Variants in AFF3 observed in about 807,000 individuals in gnomAD.
AFF3 encodes ALF transcription elongation factor 3, also known as AF4/FMR2 family member 3.
A neutral mutation model predicts 129.7 loss-of-function variants in AFF3; 32 were observed. The ratio of observed to expected loss-of-function variants is 0.25; its 90% confidence interval spans 0.19 to 0.33. AFF3 has a LOEUF of 0.33. Among genes scored for constraint, AFF3 ranks in the 10% least tolerant of loss-of-function variants. The pLI is 1.00. For missense variants in AFF3, 1,373 were observed against 1,592.0 expected (o/e 0.86, Z 2.34); for synonymous variants, 644 against 635.4 (o/e 1.01, Z -0.20).
At chr2:99,957,182 CGT>C (rs144873522) in intron 7 of AFF3, among the ~76,000 whole-genome samples, 148 of 150,634 alleles carry the variant, frequency 9.8e-4, no homozygotes, top group African/African-American at 2.9e-3. Context: ...TGTGTGTGTG[CGT>C]GTGTGTGTGT....
chr2:99,696,299 G>A (rs1409411719), intron 11 of AFF3, among the ~76,000 whole-genome samples: 3 of 152,130 alleles, frequency 2.0e-5, no homozygotes, highest in Non-Finnish European at 2.9e-5. Flanking sequence ...TTCATGGCAC[G>A]TTAGAGCATC....
intron 10 of AFF3, among the ~76,000 whole-genome samples, chr2:99,733,261 TC>T (rs1376921894): frequency 6.6e-6 from 1 of 151,454 alleles, no homozygotes; most frequent in African/African-American, 2.4e-5. Context: ...CGCCTTGTAG[TC>T]CCAGCTACTA....
intron 13 of AFF3, among the ~76,000 whole-genome samples, chr2:99,610,368 CAG>C (rs1205130106): frequency 1.3e-5 from 2 of 152,162 alleles, no homozygotes; most frequent in Non-Finnish European, 2.9e-5. Flanking sequence ...GTTATAGAAA[CAG>C]AATCACATAG....
At chr2:99,949,046 T>C (rs1675903800) in intron 7 of AFF3, among the ~76,000 whole-genome samples, 1 of 152,112 alleles carries the variant, frequency 6.6e-6, no homozygotes, top group Non-Finnish European at 1.5e-5. Flanking sequence ...AAGGGGTAAA[T>C]CCATGGATTT....
intron 4 of AFF3, among the ~76,000 whole-genome samples, chr2:100,071,353 GT>G (rs1183308829): frequency 6.6e-6 from 1 of 152,150 alleles, no homozygotes; most frequent in Admixed American, 6.5e-5. Context: ...GACAGGAGGG[GT>G]TCAAGTCTCC....
Position 99,797,838 on chromosome 2 carries a change from ACAGACATTTT to A in AFF3, c.921+39629_921+39638del, listed in dbSNP as rs1337889393. Among the ~76,000 whole-genome samples the A allele has an allele frequency of 2.0e-5, 3 of 152,272 alleles. No individual in the cohort carries two copies. The East Asian group carries it at 5.8e-4, about 29-fold the overall frequency. On this transcript the variant is annotated intron_variant, in intron 8 of 24. Coordinates refer to ENST00000672756, the MANE Select transcript of AFF3 (RefSeq NM_001386135.1). ...TATTTGTCAAAAACTAAGGTAAAAT[ACAGACATTTT>A]CAGATATGCAACAGCTGGAAAAGTT...
At chr2:99,826,430 A>G (rs1400331167) in intron 8 of AFF3, among the ~76,000 whole-genome samples, 1 of 152,250 alleles carries the variant, frequency 6.6e-6, no homozygotes, top group Non-Finnish European at 1.5e-5. Context: ...AAGTATTGTA[A>G]TAAGAATAAA....
chr2:99,993,497 C>T lies in AFF3; in HGVS notation c.873+13135G>A, dbSNP rs556121561. Among the ~76,000 whole-genome samples the T allele has an allele frequency of 4.0e-5, 6 of 151,840 alleles. No homozygotes were observed. The South Asian group carries it at 1.2e-3, about 32-fold the overall frequency. ...AAAAATAAAATTATATAACCACATGCTGGAACTAATTTTAAAAATTAGAAA... is the reference window on the plus strand; with the variant it reads ...AAAAATAAAATTATATAACCACATGTTGGAACTAATTTTAAAAATTAGAAA... On this transcript the variant is annotated intron_variant, in intron 7 of 24. Coordinates refer to ENST00000672756, the MANE Select transcript of AFF3 (RefSeq NM_001386135.1).
chr2:100,120,526 G>GATCC (rs1559135370), intron 2 of AFF3, among the ~76,000 whole-genome samples: 1 of 141,660 alleles, frequency 7.1e-6, no homozygotes, highest in Non-Finnish European at 1.5e-5. Flanking sequence ...AAAAGGCTGA[G>GATCC]ATCCACATTT....
At chr2:99,565,337 C>A (rs1675858185) in intron 20 of AFF3, 150 bp downstream of exon 20, 9 of 1,127,990 alleles carry the variant, frequency 8.0e-6, no homozygotes, top group Non-Finnish European at 1.1e-5. Context: ...TGCCAAGACG[C>A]CTTGCACGAC....
intron 4 of AFF3, among the ~76,000 whole-genome samples, chr2:100,057,768 G>GGCCTT (rs1377214416): frequency 6.6e-6 from 1 of 152,112 alleles, no homozygotes; most frequent in Non-Finnish European, 1.5e-5. Flanking sequence ...AATACTCCAA[G>GGCCTT]GAAGTTTCTT....
chr2:99,922,599 G>T (rs1215955473), intron 7 of AFF3, among the ~76,000 whole-genome samples: 2 of 152,174 alleles, frequency 1.3e-5, no homozygotes, highest in African/African-American at 4.8e-5. Flanking sequence ...TGGCATGGGG[G>T]AGCTTTTAGG....
chr2:99,853,240 G>A (rs954684102), intron 7 of AFF3, among the ~76,000 whole-genome samples: 2 of 151,954 alleles, frequency 1.3e-5, no homozygotes, highest in African/African-American at 4.8e-5. Context: ...AAAAATAATC[G>A]CCCTGCTTGC....
At chr2:99,651,530 C>T (rs1487475541) in intron 12 of AFF3, among the ~76,000 whole-genome samples, 1 of 152,006 alleles carries the variant, frequency 6.6e-6, no homozygotes, top group African/African-American at 2.4e-5. Flanking sequence ...CAACCTCTGC[C>T]TCCCAGGTTC....
At chr2:99,825,538 A>G (rs1688013954) in intron 8 of AFF3, among the ~76,000 whole-genome samples, 1 of 152,254 alleles carries the variant, frequency 6.6e-6, no homozygotes, top group Non-Finnish European at 1.5e-5. Context: ...CTTTACACAG[A>G]GCATATTAGC....
intron 4 of AFF3, chr2:100,011,358 G>T: frequency 5.5e-6 from 4 of 725,722 alleles, no homozygotes; most frequent in Middle Eastern, 2.9e-4. Flanking sequence ...CATGCTTGCT[G>T]CCCTCAGTCA....
chr2:100,117,598 G>A (rs533954004), intron 2 of AFF3, among the ~76,000 whole-genome samples: 29 of 152,300 alleles, frequency 1.9e-4, no homozygotes, highest in African/African-American at 6.0e-4. Context: ...TACGTGGAGC[G>A]CATAGGTGTC....
chr2:99,742,726 A>G (rs2105128899), intron 10 of AFF3, among the ~76,000 whole-genome samples: 1 of 152,334 alleles, frequency 6.6e-6, no homozygotes, highest in South Asian at 2.1e-4. Flanking sequence ...ATGACTCGTT[A>G]TTAGCCTCAG....
intron 7 of AFF3, among the ~76,000 whole-genome samples, chr2:99,959,083 C>T (rs953640808): frequency 2.0e-5 from 3 of 151,696 alleles, no homozygotes; most frequent in South Asian, 2.1e-4. Flanking sequence ...GGCGACAGAG[C>T]GAGACCCTGC....
Sources: allele counts gnomAD v4.1 joint callset (sites outside exome capture counted in the v4.1 genomes callset), GRCh38; gene constraint gnomAD v4.1.1; transcripts MANE v1.5; gene names NCBI Gene and HGNC (gene_info 2026-07-23, HGNC 2026-07-21).